RPS6KA5: variants seen among roughly 807,000 people sequenced by gnomAD.
RPS6KA5 encodes ribosomal protein S6 kinase A5, also known as ribosomal protein S6 kinase alpha-5.
A neutral mutation model predicts 85.5 loss-of-function variants in RPS6KA5; 27 were observed. The observed-to-expected ratio is 0.32, with a 90% confidence interval of 0.23 to 0.44. The LOEUF (loss-of-function observed/expected upper bound fraction) is 0.44, where lower values mean the gene tolerates loss of function less well. Ranked by LOEUF, RPS6KA5 falls within the 20% of genes least tolerant of loss-of-function variation. The probability of loss-of-function intolerance (pLI) is 1.00; values close to 1 mark genes in which losing one functional copy is unlikely to be tolerated. For missense variants in RPS6KA5, 811 were observed against 980.9 expected, an observed-to-expected ratio of 0.83 and a Z score of 2.31; for synonymous variants, 334 against 348.2, an observed-to-expected ratio of 0.96 and a Z score of 0.46.
intron 7 of RPS6KA5, among the ~76,000 whole-genome samples, chr14:90,908,661 A>C (rs2035641832): frequency 6.6e-6 from 1 of 152,220 alleles, no homozygotes; most frequent in South Asian, 2.1e-4. Context: ...ATAGCAGGTT[A>C]CATCTTTTCT....
intron 2 of RPS6KA5, among the ~76,000 whole-genome samples, chr14:90,998,376 T>A (rs1036353733): frequency 6.6e-6 from 1 of 152,210 alleles, no homozygotes; most frequent in Non-Finnish European, 1.5e-5. Flanking sequence ...GTGAGTTATA[T>A]CTCAATAAAG....
chr14:91,051,867 C>T (rs1159972681), intron 1 of RPS6KA5, among the ~76,000 whole-genome samples: 1 of 151,824 alleles, frequency 6.6e-6, no homozygotes, highest in Non-Finnish European at 1.5e-5. Context: ...TGAGAAAGAA[C>T]ATCTATGAAA....
rs139482565 is a variant in RPS6KA5, at chr14:91,015,368, T to C, written c.104-14209A>G. On this transcript the variant is annotated intron_variant, in intron 1 of 16. Coordinates refer to ENST00000614987, the MANE Select transcript of RPS6KA5 (RefSeq NM_004755.4). Reference sequence around the variant, plus strand: ...TTGCAAGCAAAAATTTGATAACTTGTGAATGATTAAAAAAAAAATTAAACC... The same window carrying C: ...TTGCAAGCAAAAATTTGATAACTTGCGAATGATTAAAAAAAAAATTAAACC... 4.2e-3 allele frequency among the ~76,000 whole-genome samples: 646 copies of C among 152,188 alleles called. 4 individuals are homozygous for C. The highest frequency in any genetic ancestry group is 0.014 in the African/African-American group (596 of 41,502).
intron 1 of RPS6KA5, among the ~76,000 whole-genome samples, chr14:91,045,904 C>A (rs2042852924): frequency 6.6e-6 from 1 of 152,152 alleles, no homozygotes; most frequent in Non-Finnish European, 1.5e-5. Flanking sequence ...TCAAGCCAGA[C>A]ACCTTCCTTC....
chr14:90,875,308 G>T lies in RPS6KA5; in HGVS notation c.1889C>A (p.Thr630Lys). ...CATGATTTCCACCGCGCTGGTACAC[G>T]TCAAACTTCGGTCATGAGATTGGAA... The part of the protein sequence containing the change: ...VPFQSHDRSL[T>K]CTSAVEIMKK... The change falls in exon 15 of 17, where the codon ACG (threonine) becomes AAG (lysine). Residue 630 changes from threonine to lysine, a missense_variant. Thr to Lys is a moderately conservative substitution (Grantham distance 78). This residue lies in a region of RPS6KA5 where 650 missense variants were observed against 793.4 expected (regional missense o/e 0.82). Transcript: ENST00000614987. 6.2e-7 allele frequency: 1 copy of T among 1,613,860 alleles called. No individual in the cohort carries two copies. The highest frequency in any genetic ancestry group is 1.3e-5 in the African/African-American group (1 of 74,998).
chr14:90,986,892 C>A (rs1243445432), intron 2 of RPS6KA5, among the ~76,000 whole-genome samples: 3 of 152,208 alleles, frequency 2.0e-5, no homozygotes, highest in African/African-American at 7.2e-5. Flanking sequence ...TCCTGACCAC[C>A]CTCCTTCCCT....
In RPS6KA5 at chr14:90,859,321, A is replaced by G. The variant is rs2032428659; in HGVS notation, c.*12753T>C. 1 of 152,240 alleles carries G rather than the reference A, an allele frequency of 6.6e-6. No individual in the cohort carries two copies. The highest frequency in any genetic ancestry group is 2.1e-4 in the South Asian group (1 of 4,830). The allele number at this position is 152,240 out of a possible 1,614,324, so 9.4% of individuals were successfully genotyped here. A position where few individuals can be genotyped will look rare whatever the true frequency, so the allele number is the denominator to read the frequency against. On this transcript the variant is annotated 3_prime_UTR_variant, in exon 17 of 17. Transcript: ENST00000614987. ...CAGTATTTAACACACAATGTATGAC[A>G]TTTCACCAAACTTATAAGGCATGCT...
intron 7 of RPS6KA5, among the ~76,000 whole-genome samples, chr14:90,913,682 C>T (rs962318160): frequency 6.6e-5 from 10 of 152,146 alleles, no homozygotes; most frequent in Non-Finnish European, 8.8e-5. Flanking sequence ...TTCTGTAGCC[C>T]ACACAATGCT....
intron 7 of RPS6KA5, among the ~76,000 whole-genome samples, chr14:90,908,982 G>C (rs1445327469): frequency 6.6e-6 from 1 of 152,224 alleles, no homozygotes; most frequent in Non-Finnish European, 1.5e-5. Context: ...TGGTGGGAAG[G>C]TCCCCGATGA....
chr14:90,999,206 TCAAAAAAA>T (rs903644106), intron 2 of RPS6KA5, among the ~76,000 whole-genome samples: 1 of 151,656 alleles, frequency 6.6e-6, no homozygotes, highest in Non-Finnish European at 1.5e-5. Flanking sequence ...AGGCTTCATC[TCAAAAAAA>T]CAAAAAAACA....
intron 5 of RPS6KA5, among the ~76,000 whole-genome samples, chr14:90,934,729 G>A (rs767121768): frequency 6.6e-6 from 1 of 151,990 alleles, no homozygotes; most frequent in Non-Finnish European, 1.5e-5. Context: ...AATTATAAAG[G>A]GATCTGTGAA....
chr14:91,043,444 T>C (rs770920540), intron 1 of RPS6KA5, among the ~76,000 whole-genome samples: 10 of 152,246 alleles, frequency 6.6e-5, no homozygotes, highest in Non-Finnish European at 1.3e-4. Context: ...TAGATGGGCC[T>C]TGTGGCCAAA....
At chr14:90,915,512 T>C (rs1224544800) in intron 7 of RPS6KA5, among the ~76,000 whole-genome samples, 1 of 151,764 alleles carries the variant, frequency 6.6e-6, no homozygotes, top group African/African-American at 2.4e-5. Context: ...AGAAAGGCAA[T>C]AAAAACTAAT....
At chr14:91,048,746 TGG>T (rs1273364933) in intron 1 of RPS6KA5, among the ~76,000 whole-genome samples, 2 of 152,188 alleles carry the variant, frequency 1.3e-5, no homozygotes, top group Non-Finnish European at 1.5e-5. Flanking sequence ...TAAATCATGA[TGG>T]GAGCTCAAAG....
At chr14:90,880,677 G>A (rs1258580388) in intron 14 of RPS6KA5, among the ~76,000 whole-genome samples, 1 of 152,086 alleles carries the variant, frequency 6.6e-6, no homozygotes, top group Non-Finnish European at 1.5e-5. Context: ...TTACAGGACT[G>A]TCTACTTCTC....
chr14:90,918,671 C>T (rs1007351699), intron 7 of RPS6KA5, among the ~76,000 whole-genome samples: 3 of 152,126 alleles, frequency 2.0e-5, no homozygotes, highest in African/African-American at 7.2e-5. Flanking sequence ...GGTCTATAAT[C>T]CATTTTGAGT....
intron 7 of RPS6KA5, among the ~76,000 whole-genome samples, chr14:90,917,216 T>C (rs1483589598): frequency 1.3e-5 from 2 of 152,160 alleles, no homozygotes; most frequent in Admixed American, 6.5e-5. Flanking sequence ...TAATTTTTCA[T>C]AAGAGGTGAG....
At chr14:90,968,698 T>C (rs1041659761) in intron 3 of RPS6KA5, among the ~76,000 whole-genome samples, 3 of 152,152 alleles carry the variant, frequency 2.0e-5, no homozygotes, top group Admixed American at 6.5e-5. Flanking sequence ...GGCAGCAAAA[T>C]AGCACAAAAA....
chr14:91,060,325 C>G lies in RPS6KA5; in HGVS notation c.103+7G>C, dbSNP rs1419254800. 10 of 1,343,214 alleles carry G rather than the reference C, an allele frequency of 7.4e-6. No individual in the cohort carries two copies. The African/African-American group carries it at 1.5e-4, about 20-fold the overall frequency. 83.2% of individuals were successfully genotyped at this position (1,343,214 alleles called of 1,614,324 possible). ...GGGCCCGGCCGGCAGAGGGCGGGGTCGCTCACCAGTCCGCAGCTCGTGCTT... is the reference window on the plus strand; with the variant it reads ...GGGCCCGGCCGGCAGAGGGCGGGGTGGCTCACCAGTCCGCAGCTCGTGCTT... On this transcript the variant is annotated splice_region_variant and intron_variant, in intron 1 of 16. Coordinates refer to ENST00000614987, the MANE Select transcript of RPS6KA5 (RefSeq NM_004755.4).
Sources: allele counts gnomAD v4.1 joint callset (sites outside exome capture counted in the v4.1 genomes callset), GRCh38; gene constraint gnomAD v4.1.1; regional missense constraint gnomAD v4.1.1; transcripts MANE v1.5; gene names NCBI Gene and HGNC (gene_info 2026-07-23, HGNC 2026-07-21).